The following HSD17B4 variants were observed in gnomAD, a reference collection of about 807,000 sequenced individuals.
HSD17B4 encodes peroxisomal multifunctional enzyme type 2.
Under a neutral mutation model 101.0 loss-of-function variants are expected in HSD17B4, and 70 were observed. The ratio of observed to expected loss-of-function variants is 0.69; its 90% confidence interval spans 0.57 to 0.85. HSD17B4 has a LOEUF of 0.85. Among genes scored for constraint, HSD17B4 ranks in the 40% least tolerant of loss-of-function variants. HSD17B4 has a pLI of 0.00. For synonymous variants in HSD17B4, 347 were observed against 297.1 expected (o/e 1.17, Z -1.73); for missense variants, 984 against 892.4 (o/e 1.10, Z -1.31).
intron 2 of HSD17B4, among the ~76,000 whole-genome samples, chr5:119,473,305 T>TTTTC (rs1748201907): frequency 1.5e-5 from 2 of 130,758 alleles, no homozygotes; most frequent in Admixed American, 7.5e-5. Flanking sequence ...TTACTTTTCT[T>TTTTC]CCCTGCTCCT....
chr5:119,479,492 C>T (rs187624292), intron 8 of HSD17B4, among the ~76,000 whole-genome samples: 21 of 152,190 alleles, frequency 1.4e-4, no homozygotes, highest in African/African-American at 5.1e-4. Flanking sequence ...AGCTAAAGTT[C>T]GTCGTTTACA....
At chr5:119,452,705 C>G (rs759228420) in intron 1 of HSD17B4, 72 bp downstream of exon 1, 8 of 1,607,294 alleles carry the variant, frequency 5.0e-6, no homozygotes, top group East Asian at 2.2e-5. Flanking sequence ...GGCCGGCATA[C>G]GCGCGCAGCC....
At chr5:119,461,084 G>A (rs575657921) in intron 2 of HSD17B4, among the ~76,000 whole-genome samples, 8 of 152,190 alleles carry the variant, frequency 5.3e-5, no homozygotes, top group African/African-American at 1.7e-4. Context: ...TCAGAGTAAG[G>A]ACTAACTTTT....
intron 1 of HSD17B4, among the ~76,000 whole-genome samples, chr5:119,455,568 C>CTCTCTATATATA (rs35030315): frequency 2.9e-5 from 4 of 136,474 alleles, no homozygotes; most frequent in African/African-American, 1.1e-4. Context: ...CTCTCTCTCT[C>CTCTCTATATATA]TATATATATA....
At chr5:119,518,992 A>T (rs189436251) in intron 17 of HSD17B4, among the ~76,000 whole-genome samples, 8 of 152,112 alleles carry the variant, frequency 5.3e-5, no homozygotes, top group Admixed American at 6.5e-5. Flanking sequence ...TAAAAAAATT[A>T]GCCGAGCATG....
intron 8 of HSD17B4, among the ~76,000 whole-genome samples, chr5:119,482,897 CT>C (rs1245498336): frequency 6.3e-4 from 90 of 143,792 alleles, no homozygotes; most frequent in East Asian, 1.0e-3. Flanking sequence ...CTTTTTTAGC[CT>C]TTTTTTTTTT....
intron 17 of HSD17B4, among the ~76,000 whole-genome samples, chr5:119,520,113 G>T (rs1752981046): frequency 6.7e-6 from 1 of 150,310 alleles, no homozygotes. Flanking sequence ...AAATCATTGA[G>T]AAACCAAAAA....
Position 119,458,350 on chromosome 5 carries a change from T to TC in HSD17B4, c.112+1982_112+1983insC, listed in dbSNP as rs1394538534. On this transcript the variant is annotated intron_variant, in intron 2 of 23. Transcript: ENST00000510025. ...AAGTTGCATCACACACACTAATTTT[T>TC]TTTTTTTTTTTGAGATGGAGTCTTG... Among the ~76,000 whole-genome samples, 3 of 151,800 alleles carry TC rather than the reference T, an allele frequency of 2.0e-5. No homozygotes were observed. The East Asian group carries it at 5.8e-4, about 29-fold the overall frequency.
intron 17 of HSD17B4, among the ~76,000 whole-genome samples, chr5:119,519,199 AATT>A (rs1294408240): frequency 6.6e-6 from 1 of 152,158 alleles, no homozygotes. Context: ...AGTTTTTCAT[AATT>A]ATTAATAGAC....
chr5:119,516,299 CAG>C (rs1423718350), intron 17 of HSD17B4, among the ~76,000 whole-genome samples: 1 of 152,070 alleles, frequency 6.6e-6, no homozygotes, highest in East Asian at 1.9e-4. Flanking sequence ...TACTAAAAAA[CAG>C]AAAAGGCTCA....
At chr5:119,476,793 T>G (rs1748627731) in intron 6 of HSD17B4, 1 of 723,190 alleles carries the variant, frequency 1.4e-6, no homozygotes, top group Non-Finnish European at 1.7e-6. Context: ...CTCTTTCTTT[T>G]TTTTAGTTCC....
At chr5:119,453,831 A>C (rs944380646) in intron 1 of HSD17B4, among the ~76,000 whole-genome samples, 7 of 152,166 alleles carry the variant, frequency 4.6e-5, no homozygotes, top group African/African-American at 1.7e-4. Flanking sequence ...TTTTGTTTAC[A>C]CTTTGCTTTT....
chr5:119,523,292 C>G (rs530795528), intron 17 of HSD17B4, among the ~76,000 whole-genome samples: 4 of 152,034 alleles, frequency 2.6e-5, no homozygotes, highest in Non-Finnish European at 5.9e-5. Flanking sequence ...TTTTAATATG[C>G]AAAATAATAT....
At chr5:119,510,846 A>C (rs1458119645) in intron 16 of HSD17B4, among the ~76,000 whole-genome samples, 3 of 152,238 alleles carry the variant, frequency 2.0e-5, no homozygotes, top group East Asian at 3.9e-4. Context: ...GGATGGGCAG[A>C]CTATTAACTT....
In HSD17B4 at chr5:119,492,141, T is replaced by G. The variant is rs1364099543; in HGVS notation, c.739+17T>G. ...TTGGAAAATGTAAGTCTCTCTCAGT[T>G]TTTGGTTTGTATAGATTATTTCCTT... On this transcript the variant is annotated intron_variant, in intron 10 of 23. Transcript: ENST00000510025. The G allele has an allele frequency of 6.3e-7, 1 of 1,597,710 alleles. No homozygotes were observed. The highest frequency in any genetic ancestry group is 1.7e-5 in the Admixed American group (1 of 59,948).
intron 14 of HSD17B4, among the ~76,000 whole-genome samples, chr5:119,506,358 A>G (rs1180198572): frequency 6.6e-6 from 1 of 152,074 alleles, no homozygotes; most frequent in East Asian, 1.9e-4. Flanking sequence ...ATCCTTTTTT[A>G]TGGCTGCATA....
intron 17 of HSD17B4, among the ~76,000 whole-genome samples, chr5:119,519,781 A>C (rs1334878918): frequency 6.6e-6 from 1 of 152,254 alleles, no homozygotes; most frequent in Non-Finnish European, 1.5e-5. Flanking sequence ...CTTATCTAGA[A>C]GAGTCCCAGC....
At chr5:119,517,270 A>C (rs1238516845) in intron 17 of HSD17B4, among the ~76,000 whole-genome samples, 1 of 152,188 alleles carries the variant, frequency 6.6e-6, no homozygotes, top group Non-Finnish European at 1.5e-5. Flanking sequence ...CGGAGGGTGT[A>C]CTGGGTCCCG....
intron 17 of HSD17B4, among the ~76,000 whole-genome samples, chr5:119,517,825 C>T (rs1274969267): frequency 1.3e-5 from 2 of 151,826 alleles, no homozygotes; most frequent in African/African-American, 4.8e-5. Context: ...ACAAACCAAT[C>T]AGCACCCTGT....
Sources: allele counts gnomAD v4.1 joint callset (sites outside exome capture counted in the v4.1 genomes callset), GRCh38; gene constraint gnomAD v4.1.1; transcripts MANE v1.5; gene names NCBI Gene and HGNC (gene_info 2026-07-23, HGNC 2026-07-21).